JAG1: variants seen among roughly 807,000 people sequenced by gnomAD.
The protein encoded by JAG1 is jagged canonical Notch ligand 1, also known as protein jagged-1.
A neutral mutation model predicts 148.7 loss-of-function variants in JAG1; 23 were observed. That is an observed-to-expected ratio of 0.15 (90% confidence interval 0.11 to 0.22). JAG1 has a LOEUF of 0.22. Among genes scored for constraint, JAG1 ranks in the 10% least tolerant of loss-of-function variants. The probability of loss-of-function intolerance (pLI) is 1.00; values close to 1 mark genes in which losing one functional copy is unlikely to be tolerated. For synonymous variants in JAG1, 572 were observed against 598.3 expected (o/e 0.96, Z 0.64); for missense variants, 1,054 against 1,611.2 (o/e 0.65, Z 5.92).
intron 9 of JAG1, among the ~76,000 whole-genome samples, chr20:10,649,900 G>T (rs1421095046): frequency 1.3e-5 from 2 of 152,328 alleles, no homozygotes; most frequent in East Asian, 3.9e-4. Context: ...AGGCATTTCT[G>T]TGCAAAACCC....
At chr20:10,672,449 C>T (rs925617530) in intron 2 of JAG1, among the ~76,000 whole-genome samples, 2 of 152,184 alleles carry the variant, frequency 1.3e-5, no homozygotes, top group African/African-American at 2.4e-5. Context: ...GGAGCCTGGT[C>T]CCATAAACCC....
In JAG1 at chr20:10,639,764, C is replaced by T. The variant is rs769242977; in HGVS notation, c.3391G>A (p.Ala1131Thr). The T allele has an allele frequency of 3.2e-5, 52 of 1,614,018 alleles. 1 individual carries two copies. The East Asian group carries it at 8.5e-4, about 26-fold the overall frequency. Residue 1131 changes from alanine (A) to threonine (T), a missense_variant, in exon 26 of 26, where the codon GCC (alanine) becomes ACC (threonine). Physicochemically the swap from Ala to Thr is moderately conservative, Grantham distance 58 (BLOSUM62 0). Transcript: ENST00000254958. ...TAATCCTTGATGGGGACCGTGTTGG[C>T]CCCATGTTTCTCAATGGGGTTTTTG... ...QIKNPIEKHG[A>T]NTVPIKDYEN...
intron 2 of JAG1, among the ~76,000 whole-genome samples, chr20:10,666,234 C>T (rs1338102051): frequency 2.0e-5 from 3 of 152,192 alleles, no homozygotes; most frequent in African/African-American, 4.8e-5. Context: ...TCCATCCCCA[C>T]ACTATAGATC....
rs1251134628 is a variant in JAG1 at position 10,639,576 on chromosome 20, G to C, written c.3579C>G (p.His1193Gln). The part of the protein sequence containing the change: ...EKPPNGTPTK[H>Q]PNWTNKQDNR... ...TGTCCTGTTTGTTTGTCCAGTTTGG[G>C]TGTTTTGTCGGCGTGCCGTTGGGGG... Residue 1193 changes from histidine (H) to glutamine (Q), a missense_variant, in exon 26 of 26, where the codon CAC (histidine) becomes CAG (glutamine). Physicochemically the swap from His to Gln is conservative, Grantham distance 24. Around this residue, in one of 6 missense-constraint regions of JAG1, gnomAD observed 177 missense variants for 177.3 expected, o/e 1.00. Transcript: ENST00000254958. The C allele has an allele frequency of 1.2e-6, 2 of 1,614,192 alleles. No individual in the cohort carries two copies. The highest frequency in any genetic ancestry group is 1.3e-5 in the African/African-American group (1 of 75,044).
chr20:10,668,968 T>G (rs555283578), intron 2 of JAG1, among the ~76,000 whole-genome samples: 1 of 152,068 alleles, frequency 6.6e-6, no homozygotes, highest in South Asian at 2.1e-4. Flanking sequence ...GAGGTTTGAA[T>G]AAGTTGCTAA....
At chr20:10,649,678 C>A (rs759811451) in intron 9 of JAG1, 43 bp from the exon 10 acceptor site, 83 of 1,098,670 alleles carry the variant, frequency 7.6e-5, no homozygotes, top group Non-Finnish European at 1.1e-4. Flanking sequence ...AAGTTCAACC[C>A]CCATCTCCCC....
intron 7 of JAG1, among the ~76,000 whole-genome samples, 188 bp downstream of exon 7, chr20:10,651,943 G>A (rs1197703782): frequency 1.3e-4 from 20 of 152,080 alleles, no homozygotes; most frequent in Non-Finnish European, 2.9e-5. Context: ...CCTCCTATAC[G>A]AATCAGCATC....
chr20:10,648,795 G>A, intron 11 of JAG1, 73 bp from the exon 12 acceptor site: 1 of 1,433,450 alleles, frequency 7.0e-7, no homozygotes, highest in East Asian at 2.3e-5. Context: ...GGCTTCAGCG[G>A]TTTAGCATGA....
chr20:10,656,330 A>G lies in JAG1; in HGVS notation c.755+68T>C, dbSNP rs574326560. The stretch of plus-strand genomic sequence containing the variant: ...CAAGGAAAAAAGAGGCATAGTCACA[A>G]TAAAGTCAGTTCCTCTCTTACATAA... On this transcript the variant is annotated intron_variant, in intron 5 of 25. Coordinates refer to ENST00000254958, the MANE Select transcript of JAG1 (RefSeq NM_000214.3). The G allele has an allele frequency of 3.8e-6, 5 of 1,307,428 alleles. No homozygotes were observed. The South Asian group carries it at 5.9e-5, about 15-fold the overall frequency. The allele number at this position is 1,307,428 out of a possible 1,614,324, so 81.0% of individuals were successfully genotyped here.
At position 10,637,761 on chromosome 20, in the gene JAG1, G is replaced by C. The variant is rs1349905008; in HGVS notation, c.*1737C>G. 6.5e-6 allele frequency: 1 copy of C among 152,676 alleles called. No individual in the cohort carries two copies. The highest frequency in any genetic ancestry group is 1.9e-4 in the East Asian group (1 of 5,198). 9.5% of individuals were successfully genotyped at this position (152,676 alleles called of 1,614,324 possible). On this transcript the variant is annotated 3_prime_UTR_variant, in exon 26 of 26. Transcript: ENST00000254958. ...TAACAAGGGAATCAAGGCTCCCCTA[G>C]ATGGGGCTCCCGCAGTTCCAGCTTC...
chr20:10,662,542 C>G (rs1002631013), intron 3 of JAG1: 1 of 152,598 alleles, frequency 6.6e-6, no homozygotes, highest in Non-Finnish European at 1.5e-5. Flanking sequence ...CATGTCGACA[C>G]CATACTATTA....
chr20:10,673,383 A>G lies in JAG1; in HGVS notation c.81+67T>C. 8.2e-7 allele frequency: 1 copy of G among 1,214,844 alleles called. No individual in the cohort carries two copies. The highest frequency in any genetic ancestry group is 1.1e-6 in the Non-Finnish European group (1 of 896,192). The allele number at this position is 1,214,844 out of a possible 1,614,324, so 75.3% of individuals were successfully genotyped here. A position where few individuals can be genotyped will look rare whatever the true frequency, so the allele number is the denominator to read the frequency against. ...CTGCCGAGCCTGCTCGCGGGGCTCAACCGCCCAGGGCGCCGCGAGGGGAGG... is the reference window on the plus strand; with the variant it reads ...CTGCCGAGCCTGCTCGCGGGGCTCAGCCGCCCAGGGCGCCGCGAGGGGAGG... On this transcript the variant is annotated intron_variant, in intron 1 of 25. Transcript: ENST00000254958. The surrounding 1 kb of genome is among the most constrained non-coding windows in gnomAD (Gnocchi z 4.7).
At chr20:10,669,621 T>C (rs1353464208) in intron 2 of JAG1, among the ~76,000 whole-genome samples, 1 of 111,890 alleles carries the variant, frequency 8.9e-6, no homozygotes, top group Non-Finnish European at 1.8e-5. Flanking sequence ...ATAGGATCAA[T>C]GGAATTTAAA....
intron 20 of JAG1, among the ~76,000 whole-genome samples, chr20:10,643,130 T>C (rs1334144052): frequency 6.6e-6 from 1 of 152,270 alleles, no homozygotes; most frequent in Non-Finnish European, 1.5e-5. Context: ...TGCCCCCATC[T>C]AGTGCTGAAG....
intron 3 of JAG1, 86 bp downstream of exon 3, chr20:10,663,877 A>C: frequency 9.7e-7 from 1 of 1,028,732 alleles, no homozygotes; most frequent in Admixed American, 1.7e-5. Flanking sequence ...GCTAAGTACT[A>C]AGGAGACAGA....
chr20:10,644,668 C>T, intron 18 of JAG1, 195 bp downstream of exon 18: 1 of 646,680 alleles, frequency 1.5e-6, no homozygotes, highest in Non-Finnish European at 2.8e-6. Flanking sequence ...GAGACGCCAT[C>T]TGTCTCCACT....
At chr20:10,652,007 A>C (rs145307186) in intron 7 of JAG1, 124 bp downstream of exon 7, 1 of 1,130,730 alleles carries the variant, frequency 8.8e-7, no homozygotes, top group Non-Finnish European at 1.3e-6. Context: ...AATGGTTGGG[A>C]TAAGGCCTAT....
intron 3 of JAG1, among the ~76,000 whole-genome samples, chr20:10,661,080 C>A (rs752187863): frequency 6.6e-6 from 1 of 152,122 alleles, no homozygotes; most frequent in South Asian, 2.1e-4. Context: ...ACCATTTGCT[C>A]TAGGGGAGAA....
intron 18 of JAG1, 111 bp from the exon 19 acceptor site, chr20:10,644,495 A>C: frequency 1.2e-6 from 1 of 841,476 alleles, no homozygotes; most frequent in South Asian, 1.4e-5. Context: ...AGTCGTAGTT[A>C]ACACCAGCAA....
Sources: gnomAD v4.1 joint callset for allele counts (sites outside exome capture counted in the v4.1 genomes callset) on GRCh38, gnomAD v4.1.1 for gene constraint, gnomAD v4.1.1 regional missense constraint, Gnocchi (gnomAD v3.1) non-coding constraint, MANE v1.5 for transcripts, NCBI Gene and HGNC (gene_info 2026-07-23, HGNC 2026-07-21) for gene names.